The following CHD9 variants were observed in gnomAD, a reference collection of about 807,000 sequenced individuals.
CHD9 encodes ATP-dependent chromatin remodeler CHD9.
In CHD9, 77 loss-of-function variants were observed where a neutral mutation model predicts 316.1. The observed-to-expected ratio is 0.24, with a 90% CI of 0.20 to 0.29. The LOEUF (loss-of-function observed/expected upper bound fraction) is 0.29. CHD9 is among the 10% of genes least tolerant of loss of function. CHD9 has a pLI of 1.00. For synonymous variants in CHD9, 1,129 were observed against 1,158.3 expected (o/e 0.97, Z 0.51); for missense variants, 2,763 against 3,438.1 (o/e 0.80, Z 4.91).
chr16:53,187,949 A>C (rs2044170144), intron 2 of CHD9, among the ~76,000 whole-genome samples: 1 of 152,198 alleles, frequency 6.6e-6, no homozygotes, highest in South Asian at 2.1e-4. Context: ...TTCAAATGTT[A>C]ATGTTTTCAC....
chr16:53,228,806 A>G (rs1458428541), intron 7 of CHD9, among the ~76,000 whole-genome samples, 177 bp from the exon 8 acceptor site: 3 of 152,154 alleles, frequency 2.0e-5, no homozygotes, highest in Non-Finnish European at 4.4e-5. Context: ...CCTCCTTAGC[A>G]TATAGTGATC....
intron 19 of CHD9, among the ~76,000 whole-genome samples, chr16:53,261,945 A>T (rs1272302963): frequency 1.3e-5 from 2 of 152,196 alleles, no homozygotes; most frequent in African/African-American, 4.8e-5. Flanking sequence ...AGTTATCTTG[A>T]ATATCAAAAA....
chr16:53,285,995 A>G lies in CHD9; in HGVS notation c.5072-231A>G, dbSNP rs181770257. On this transcript the variant is annotated intron_variant, in intron 25 of 38. Coordinates refer to ENST00000447540, the MANE Select transcript of CHD9 (RefSeq NM_001308319.2). ...TGTGTGGGTATGATCAGTTTATCCT[A>G]TTTCTCATATTAACTGATAAATGTA... Among the ~76,000 whole-genome samples the G allele has an allele frequency of 2.4e-3, 367 of 152,274 alleles. 3 individuals carry two copies. Among genetic ancestry groups the G allele is most frequent in the African/African-American group, 8.1e-3 (336 of 41,562 alleles).
chr16:53,250,104 TA>T (rs754020529), intron 17 of CHD9, 38 bp downstream of exon 17: 1 of 1,454,492 alleles, frequency 6.9e-7, no homozygotes, highest in Non-Finnish European at 9.4e-7. Flanking sequence ...ATGCATTTTT[TA>T]AAAAAGTAAA....
chr16:53,238,517 G>C lies in CHD9; in HGVS notation c.2808G>C (p.Val936=). 2.5e-6 allele frequency: 4 copies of C among 1,612,930 alleles called. No homozygotes were observed. The highest frequency in any genetic ancestry group is 3.4e-6 in the Non-Finnish European group (4 of 1,179,188). The change falls in exon 12 of 39, where the codon GTG becomes GTC. Residue 936 remains valine (V), a synonymous_variant. Transcript: ENST00000447540. ...GTACGTGGACTGATATTAACGTTGT[G>C]GTTTATCATGGGAGCCTGATTAGCA... is the stretch of plus-strand genomic sequence containing the variant. The part of the protein sequence containing the change: ...EFRTWTDINV[V]VYHGSLISRQ...
chr16:53,231,723 A>C lies in CHD9; in HGVS notation c.2450A>C (p.Asp817Ala). 6.2e-7 allele frequency: 1 copy of C among 1,612,446 alleles called. No individual in the cohort carries two copies. Among genetic ancestry groups the C allele is most frequent in the South Asian group, 1.1e-5 (1 of 90,972 alleles). Reference sequence around the variant, plus strand: ...ACTTGGGAACTAAAAGAAGATGTAGATCTTGCAAAAATAGAAGAGTTTGAA... The same window carrying C: ...ACTTGGGAACTAAAAGAAGATGTAGCTCTTGCAAAAATAGAAGAGTTTGAA... The part of the protein sequence containing the change: ...DSTWELKEDV[D>A]LAKIEEFEQL... Residue 817 changes from aspartate (D) to alanine (A), a missense_variant, in exon 10 of 39, where the codon GAT (aspartate) becomes GCT (alanine). Transcript: ENST00000447540.
chr16:53,075,010 G>C (rs2034402968), intron 1 of CHD9, among the ~76,000 whole-genome samples: 1 of 152,206 alleles, frequency 6.6e-6, no homozygotes, highest in Non-Finnish European at 1.5e-5. Flanking sequence ...GGGGAGGGAG[G>C]CTGTATCCAG....
chr16:53,112,483 C>T (rs558394793), intron 1 of CHD9, among the ~76,000 whole-genome samples: 6 of 152,126 alleles, frequency 3.9e-5, no homozygotes, highest in Admixed American at 1.3e-4. Flanking sequence ...CTAAGTGTAA[C>T]GTGTTCAGTT....
intron 3 of CHD9, among the ~76,000 whole-genome samples, chr16:53,210,227 G>C (rs1418705235): frequency 2.7e-5 from 4 of 148,728 alleles, no homozygotes; most frequent in African/African-American, 9.9e-5. Context: ...AGCACTCATA[G>C]TTTGGAAACA....
intron 2 of CHD9, chr16:53,208,756 G>A (rs770298933): frequency 5.8e-5 from 56 of 964,936 alleles, no homozygotes; most frequent in East Asian, 1.1e-4. Flanking sequence ...GGATGAATGC[G>A]TGTTTGAAGA....
chr16:53,264,681 G>C (rs774488357), intron 20 of CHD9, among the ~76,000 whole-genome samples: 15 of 152,166 alleles, frequency 9.9e-5, no homozygotes, highest in Non-Finnish European at 1.9e-4. Context: ...AGTAGAATTA[G>C]ACTAGGTGAA....
intron 2 of CHD9, among the ~76,000 whole-genome samples, chr16:53,166,014 A>G (rs1167506728): frequency 6.6e-6 from 1 of 152,150 alleles, no homozygotes; most frequent in Non-Finnish European, 1.5e-5. Context: ...AGAATTCCTA[A>G]TTGTCTGACT....
intron 2 of CHD9, chr16:53,208,226 G>A: frequency 1.7e-6 from 2 of 1,184,770 alleles, no homozygotes; most frequent in Non-Finnish European, 1.1e-6. Flanking sequence ...TTGCTAAATA[G>A]GCCATTTAGG....
chr16:53,119,180 G>A (rs1161234269), intron 1 of CHD9, among the ~76,000 whole-genome samples: 1 of 152,070 alleles, frequency 6.6e-6, no homozygotes, highest in African/African-American at 2.4e-5. Flanking sequence ...TTATTACCAG[G>A]ATTATGGTAA....
intron 1 of CHD9, among the ~76,000 whole-genome samples, chr16:53,138,031 G>A (rs774695417): frequency 9.2e-5 from 14 of 152,166 alleles, no homozygotes; most frequent in South Asian, 2.1e-4. Context: ...CCTGGGGAAG[G>A]AGGGGGGGAA....
chr16:53,154,564 G>A (rs1237094319), intron 1 of CHD9, among the ~76,000 whole-genome samples: 1 of 152,150 alleles, frequency 6.6e-6, no homozygotes, highest in Non-Finnish European at 1.5e-5. Flanking sequence ...GGGGTGTGGT[G>A]GATGGAGGGA....
intron 1 of CHD9, among the ~76,000 whole-genome samples, chr16:53,125,029 C>T (rs1432812746): frequency 6.6e-6 from 1 of 152,108 alleles, no homozygotes; most frequent in Non-Finnish European, 1.5e-5. Flanking sequence ...ATGTGTTGAG[C>T]ATCTTTTCAT....
At chr16:53,248,272 C>T (rs1178883361) in intron 16 of CHD9, 2 of 150,786 alleles carry the variant, frequency 1.3e-5, no homozygotes, top group Non-Finnish European at 2.9e-5. Flanking sequence ...GGAGGCAGAG[C>T]TTGCAGTGAG....
intron 37 of CHD9, 46 bp downstream of exon 37, chr16:53,318,386 T>G (rs762194362): frequency 2.1e-6 from 3 of 1,454,922 alleles, no homozygotes; most frequent in Admixed American, 4.1e-5. Flanking sequence ...ATTCAATATT[T>G]AAGAGATCTC....
Sources: allele counts gnomAD v4.1 joint callset (sites outside exome capture counted in the v4.1 genomes callset), GRCh38; gene constraint gnomAD v4.1.1; transcripts MANE v1.5; gene names NCBI Gene and HGNC (gene_info 2026-07-23, HGNC 2026-07-21).